Variants in TIAM2 observed in about 807,000 individuals in gnomAD.
TIAM2 encodes the protein rho guanine nucleotide exchange factor TIAM2.
Under a neutral mutation model 152.9 loss-of-function variants are expected in TIAM2, and 80 were observed. The ratio of observed to expected loss-of-function variants is 0.52; its 90% CI spans 0.44 to 0.63. The LOEUF is 0.63. TIAM2 is among the 30% of genes least tolerant of loss of function. The probability of loss-of-function intolerance (pLI) is 0.00; values close to 1 mark genes in which losing one functional copy is unlikely to be tolerated. For synonymous variants in TIAM2, 804 were observed against 838.0 expected (o/e 0.96, Z 0.70); for missense variants, 1,965 against 2,120.1 (o/e 0.93, Z 1.44).
chr6:155,023,865 C>G (rs577456172), intron 1 of TIAM2, among the ~76,000 whole-genome samples: 1 of 152,298 alleles, frequency 6.6e-6, no homozygotes, highest in East Asian at 1.9e-4. Flanking sequence ...CGGGTCCTTA[C>G]TCGTCTTTGC....
Position 155,144,724 on chromosome 6 carries a change from G to A in TIAM2, c.1749G>A (p.Lys583=). The change falls in exon 6 of 27, where the codon AAG becomes AAA. Residue 583 remains lysine, a synonymous_variant. Coordinates refer to ENST00000682666, the MANE Select transcript of TIAM2 (RefSeq NM_012454.4). ...SIVQSVPEHP[K]KENVFCLSNS... Reference sequence around the variant, plus strand: ...TGCAGTCTGTTCCAGAGCATCCCAAGAAAGAAAATGTGTTCTGCCTCAGCA... The same window carrying A: ...TGCAGTCTGTTCCAGAGCATCCCAAAAAAGAAAATGTGTTCTGCCTCAGCA... 1 of 1,610,778 alleles carries A rather than the reference G, an allele frequency of 6.2e-7. No homozygotes were observed. Among genetic ancestry groups the A allele is most frequent in the Non-Finnish European group, 8.5e-7 (1 of 1,178,864 alleles).
intron 15 of TIAM2, among the ~76,000 whole-genome samples, chr6:155,229,213 C>G (rs1477795270): frequency 1.3e-5 from 2 of 152,128 alleles, no homozygotes; most frequent in East Asian, 3.8e-4. Flanking sequence ...GCCTTTTATC[C>G]CTACACCCAG....
At chr6:155,127,309 A>G (rs1164921238) in intron 2 of TIAM2, among the ~76,000 whole-genome samples, 181 bp from the exon 3 acceptor site, 2 of 152,226 alleles carry the variant, frequency 1.3e-5, no homozygotes, top group East Asian at 3.8e-4. Flanking sequence ...CTGGGTGGGC[A>G]GTTCTGGCTT....
At chr6:155,254,338 A>C in intron 25 of TIAM2, 81 bp from the exon 26 acceptor site, 1 of 1,551,296 alleles carries the variant, frequency 6.4e-7, no homozygotes, top group Non-Finnish European at 8.8e-7. Context: ...GGTGCAAGGC[A>C]CAGGAACACA....
chr6:155,032,870 T>G (rs779663458), intron 1 of TIAM2, among the ~76,000 whole-genome samples: 1 of 152,138 alleles, frequency 6.6e-6, no homozygotes, highest in Non-Finnish European at 1.5e-5. Flanking sequence ...ACATTTGTGT[T>G]GTATATAGAG....
intron 15 of TIAM2, among the ~76,000 whole-genome samples, chr6:155,229,963 G>T (rs1430370878): frequency 1.3e-5 from 2 of 151,972 alleles, no homozygotes; most frequent in African/African-American, 4.8e-5. Flanking sequence ...CCACCCCCAT[G>T]ATTCAATTAC....
intron 1 of TIAM2, among the ~76,000 whole-genome samples, chr6:155,055,645 A>T (rs1256019760): frequency 6.6e-6 from 1 of 152,092 alleles, no homozygotes; most frequent in Non-Finnish European, 1.5e-5. Flanking sequence ...AAGGTATTAG[A>T]GAGAAAGAAG....
chr6:155,094,997 C>T (rs894425634), intron 2 of TIAM2, among the ~76,000 whole-genome samples: 5 of 152,002 alleles, frequency 3.3e-5, no homozygotes, highest in Admixed American at 3.3e-4. Context: ...TTTCAGTTCT[C>T]CATGGTCATG....
Position 155,249,916 on chromosome 6 carries a change from T to C in TIAM2, c.3898T>C (p.Tyr1300His), listed in dbSNP as rs1783547098. Residue 1300 changes from tyrosine to histidine, a missense_variant, in exon 21 of 27, where the codon TAT (tyrosine) becomes CAT (histidine). This residue lies in a region of TIAM2 where 935 missense variants were observed against 980.0 expected (regional missense o/e 0.95). Transcript: ENST00000682666. ...TGAGATGCAGAAGATCTATGAGGAT[T>C]ATGGGACCGTGTTTGACCAGCTAGT... ...INEMQKIYED[Y>H]GTVFDQLVAE... 1 of 1,613,996 alleles carries C rather than the reference T, an allele frequency of 6.2e-7. No individual in the cohort carries two copies. The highest frequency in any genetic ancestry group is 1.3e-5 in the African/African-American group (1 of 74,908).
intron 14 of TIAM2, among the ~76,000 whole-genome samples, chr6:155,207,718 T>C (rs1387291050): frequency 1.3e-5 from 2 of 152,194 alleles, no homozygotes; most frequent in African/African-American, 4.8e-5. Context: ...GCTAAGCCTT[T>C]ATCCTGGAGT....
At chr6:155,223,527 C>CTTTTTTT (rs11385281) in intron 15 of TIAM2, among the ~76,000 whole-genome samples, 4 of 130,862 alleles carry the variant, frequency 3.1e-5, no homozygotes, top group Non-Finnish European at 3.1e-5. Flanking sequence ...ATTTTTTTTT[C>CTTTTTTT]TTTTTTTTTT....
intron 1 of TIAM2, among the ~76,000 whole-genome samples, chr6:155,047,341 G>A (rs769594977): frequency 1.3e-5 from 2 of 151,980 alleles, no homozygotes; most frequent in African/African-American, 2.4e-5. Context: ...CACCACACCC[G>A]GCTAATTTTT....
chr6:155,028,001 A>G (rs1271980216), intron 1 of TIAM2, among the ~76,000 whole-genome samples: 1 of 104,740 alleles, frequency 9.5e-6, no homozygotes, highest in Admixed American at 9.9e-5. Flanking sequence ...TATATACTAT[A>G]TATAATATAT....
chr6:155,254,550 G>A lies in TIAM2; in HGVS notation c.4445G>A (p.Arg1482Gln), dbSNP rs1166291004. 5.6e-6 allele frequency: 9 copies of A among 1,612,630 alleles called. No homozygotes were observed. Among genetic ancestry groups the A allele is most frequent in the African/African-American group, 2.7e-5 (2 of 74,904 alleles). ...CKDRLVPLKN[R>Q]VPVSAKLASS... Reference sequence around the variant, plus strand: ...GATCGCCTGGTACCTCTTAAGAACCGAGTTCCTGTTTCGGCCAAATTAGGT... The same window carrying A: ...GATCGCCTGGTACCTCTTAAGAACCAAGTTCCTGTTTCGGCCAAATTAGGT... Residue 1482 changes from arginine to glutamine, a missense_variant, in exon 26 of 27, where the codon CGA (arginine) becomes CAA (glutamine). By Grantham distance (43) the Arg-to-Gln change is conservative (BLOSUM62 1). Around this residue, in one of 3 missense-constraint regions of TIAM2, gnomAD observed 935 missense variants for 980.0 expected, o/e 0.95. Transcript: ENST00000682666.
At chr6:155,211,344 GC>G in intron 15 of TIAM2, 37 bp downstream of exon 15, 2 of 1,580,904 alleles carry the variant, frequency 1.3e-6, no homozygotes, top group South Asian at 1.1e-5. Flanking sequence ...CAAGAACCAG[GC>G]AGGCGAGTGT....
chr6:155,016,856 T>C (rs865989812), intron 1 of TIAM2, among the ~76,000 whole-genome samples: 1 of 152,192 alleles, frequency 6.6e-6, no homozygotes, highest in Admixed American at 6.5e-5. Context: ...GCCAAGATCA[T>C]GCCACTGCAC....
intron 2 of TIAM2, among the ~76,000 whole-genome samples, chr6:155,104,514 T>C (rs1442246604): frequency 6.6e-6 from 1 of 152,092 alleles, no homozygotes; most frequent in Non-Finnish European, 1.5e-5. Context: ...TCCCAGCACT[T>C]TGGGAGGCCA....
Position 154,995,901 on chromosome 6 carries a change from G to A in TIAM2, c.-209+409G>A, listed in dbSNP as rs995366602. On this transcript the variant is annotated intron_variant, in intron 1 of 26. Transcript: ENST00000682666. The surrounding 1 kb of genome is among the most constrained non-coding windows in gnomAD (Gnocchi z 5.2). Reference sequence around the variant, plus strand: ...AAGCCGAGCCGTGGGTGCCCGGAGGGGAGCGCCCGCTGCGCCCACGCCCGC... The same window carrying A: ...AAGCCGAGCCGTGGGTGCCCGGAGGAGAGCGCCCGCTGCGCCCACGCCCGC... 3.3e-5 allele frequency among the ~76,000 whole-genome samples: 5 copies of A among 152,178 alleles called. No individual in the cohort carries two copies. The highest frequency in any genetic ancestry group is 7.2e-5 in the African/African-American group (3 of 41,466).
intron 2 of TIAM2, among the ~76,000 whole-genome samples, chr6:155,105,307 C>T (rs552080437): frequency 1.0e-4 from 15 of 150,616 alleles, no homozygotes; most frequent in South Asian, 2.1e-4. Context: ...CATGCCACCA[C>T]GCCCAGCTAA....
Sources: gnomAD v4.1 joint callset for allele counts (sites outside exome capture counted in the v4.1 genomes callset) on GRCh38, gnomAD v4.1.1 for gene constraint, gnomAD v4.1.1 regional missense constraint, Gnocchi (gnomAD v3.1) non-coding constraint, MANE v1.5 for transcripts, NCBI Gene and HGNC (gene_info 2026-07-23, HGNC 2026-07-21) for gene names.